NR2F1-AS1: variants seen among roughly 807,000 people sequenced by gnomAD.
The protein encoded by NR2F1-AS1 is NR2F1 antisense RNA 1.
At chr5:93,492,735 T>C (rs550177326) in intron 4 of NR2F1-AS1, among the ~76,000 whole-genome samples, 144 of 152,096 alleles carry the variant, frequency 9.5e-4, no homozygotes, top group African/African-American at 3.4e-3. Flanking sequence ...GTTGAACATA[T>C]GAAAATCAAT....
upstream of NR2F1-AS1, among the ~76,000 whole-genome samples, chr5:93,581,717 TCTCTCTCTCTCTCTCTCC>T (rs1753048836): frequency 1.3e-4 from 8 of 62,120 alleles, 1 homozygote; most frequent in African/African-American, 4.5e-4. Context: ...TCTCTCTCTC[TCTCTCTCTCTCTCTCTCC>T]CCCTCTCCCT....
intron 1 of NR2F1-AS1, among the ~76,000 whole-genome samples, chr5:93,569,521 G>A (rs1308690635): frequency 2.6e-5 from 4 of 152,320 alleles, no homozygotes; most frequent in African/African-American, 7.2e-5. Context: ...TGCTGCTGCG[G>A]AGGTCAGTAA....
At chr5:93,545,132 C>T (rs1752052790) in intron 4 of NR2F1-AS1, among the ~76,000 whole-genome samples, 1 of 152,228 alleles carries the variant, frequency 6.6e-6, no homozygotes, top group Middle Eastern at 3.4e-3. Flanking sequence ...GGGAGGAACA[C>T]TTAAGTCCCT....
At chr5:93,569,025 G>C (rs992160457) in intron 1 of NR2F1-AS1, among the ~76,000 whole-genome samples, 8 of 152,136 alleles carry the variant, frequency 5.3e-5, no homozygotes, top group Non-Finnish European at 8.8e-5. Context: ...GGATAGCCTT[G>C]TAGGTACACC....
chr5:93,432,137 G>A (rs1445244327), intron 4 of NR2F1-AS1, among the ~76,000 whole-genome samples: 4 of 152,090 alleles, frequency 2.6e-5, no homozygotes, highest in Non-Finnish European at 5.9e-5. Context: ...GAACACCTGT[G>A]CTTTTCATTG....
chr5:93,579,928 C>A lies in NR2F1-AS1; in HGVS notation n.313+539G>T, dbSNP rs1752981935. Among the ~76,000 whole-genome samples, 1 of 152,220 alleles carries A rather than the reference C, an allele frequency of 6.6e-6. No homozygotes were observed. Among genetic ancestry groups the A allele is most frequent in the Admixed American group, 6.5e-5 (1 of 15,286 alleles). ...TCGCCCACATCAGACAGGCAGCCAT[C>A]GATCGCGTTACATTAGGGGATGGCG... On this transcript the variant is annotated intron_variant and non_coding_transcript_variant, in intron 1 of 5. Coordinates refer to ENST00000660523, the Ensembl canonical transcript of NR2F1-AS1. This position sits in a 1 kb window ranked among gnomAD's most constrained non-coding sequence, Gnocchi z 5.1.
At chr5:93,519,028 A>G (rs1159870340) in intron 4 of NR2F1-AS1, among the ~76,000 whole-genome samples, 2 of 152,108 alleles carry the variant, frequency 1.3e-5, no homozygotes, top group South Asian at 4.1e-4. Flanking sequence ...AGAGATTAGA[A>G]TCTAAAGTCA....
At chr5:93,537,015 G>A (rs1011847906) in intron 4 of NR2F1-AS1, among the ~76,000 whole-genome samples, 6 of 152,084 alleles carry the variant, frequency 3.9e-5, no homozygotes, top group African/African-American at 7.2e-5. Context: ...CTTGCCTTTC[G>A]CTATGATTGT....
chr5:93,523,421 G>A (rs953663103), intron 4 of NR2F1-AS1, among the ~76,000 whole-genome samples: 1 of 152,206 alleles, frequency 6.6e-6, no homozygotes, highest in Non-Finnish European at 1.5e-5. Context: ...TGTGGGTGCA[G>A]CTTCAGCAGA....
rs187821314 is a variant in NR2F1-AS1 at position 93,525,969 on chromosome 5, A to T, written n.638+27792T>A. ...GAACTAGAGAAGCAAGAGCAAAAAAATTCAAAAGCTATAGGAAGACAAGAA... is the reference window on the plus strand; with the variant it reads ...GAACTAGAGAAGCAAGAGCAAAAAATTTCAAAAGCTATAGGAAGACAAGAA... On this transcript the variant is annotated intron_variant and non_coding_transcript_variant, in intron 4 of 5. Transcript: ENST00000660523. Among the ~76,000 whole-genome samples, 5 of 152,302 alleles carry T rather than the reference A, an allele frequency of 3.3e-5. No homozygotes were observed. In the East Asian group the frequency reaches 9.7e-4, roughly 29 times the overall value.
chr5:93,473,230 G>A (rs1209936909), intron 4 of NR2F1-AS1, among the ~76,000 whole-genome samples: 1 of 151,904 alleles, frequency 6.6e-6, no homozygotes, highest in Non-Finnish European at 1.5e-5. Context: ...GATACTGTCA[G>A]ATAAATGCAC....
chr5:93,499,365 T>C (rs1458655914), intron 4 of NR2F1-AS1, among the ~76,000 whole-genome samples: 2 of 152,166 alleles, frequency 1.3e-5, no homozygotes, highest in African/African-American at 4.8e-5. Flanking sequence ...CTATCAGCAC[T>C]ATTTTTCCAA....
At chr5:93,462,343 T>C (rs911630968) in intron 4 of NR2F1-AS1, among the ~76,000 whole-genome samples, 12 of 152,164 alleles carry the variant, frequency 7.9e-5, no homozygotes, top group Non-Finnish European at 1.6e-4. Context: ...TCCACCACCA[T>C]GTGAGATGTG....
intron 4 of NR2F1-AS1, among the ~76,000 whole-genome samples, chr5:93,519,191 T>A (rs1000776379): frequency 1.3e-5 from 2 of 151,966 alleles, no homozygotes. Context: ...ATAAAAAAAA[T>A]ACATAACTTT....
intron 3 of NR2F1-AS1, chr5:93,553,935 T>G (rs1373873042): frequency 6.6e-6 from 1 of 152,288 alleles, no homozygotes; most frequent in African/African-American, 2.4e-5. Context: ...ATAAAACCTA[T>G]GCCCTTGGTC....
chr5:93,506,068 T>G (rs1312451457), intron 4 of NR2F1-AS1, among the ~76,000 whole-genome samples: 1 of 152,198 alleles, frequency 6.6e-6, no homozygotes, highest in Non-Finnish European at 1.5e-5. Flanking sequence ...TTTTGAATGC[T>G]TTGCTGCTTA....
intron 2 of NR2F1-AS1, among the ~76,000 whole-genome samples, chr5:93,562,144 A>G (rs1012715950): frequency 1.3e-5 from 2 of 148,760 alleles, no homozygotes; most frequent in African/African-American, 5.0e-5. Context: ...GGCCAGGAGT[A>G]TAAGGCCAGC....
intron 4 of NR2F1-AS1, among the ~76,000 whole-genome samples, chr5:93,470,320 T>C (rs1750339814): frequency 6.6e-6 from 1 of 151,954 alleles, no homozygotes; most frequent in African/African-American, 2.4e-5. Flanking sequence ...TATGACCTTG[T>C]TATCTACATA....
chr5:93,418,802 A>G (rs572859361), intron 4 of NR2F1-AS1, among the ~76,000 whole-genome samples: 2 of 152,166 alleles, frequency 1.3e-5, no homozygotes, highest in East Asian at 3.9e-4. Context: ...AATTGCTACC[A>G]TTTCTTTTAT....
Sources: gnomAD v4.1 joint callset for allele counts (sites outside exome capture counted in the v4.1 genomes callset) on GRCh38, gnomAD v4.1.1 for gene constraint, Gnocchi (gnomAD v3.1) non-coding constraint, MANE v1.5 for transcripts, NCBI Gene and HGNC (gene_info 2026-07-23, HGNC 2026-07-21) for gene names.